ILDR1: variants seen among roughly 807,000 people sequenced by gnomAD.
ILDR1 encodes immunoglobulin like domain containing receptor 1.
A neutral mutation model predicts 62.4 loss-of-function variants in ILDR1; 56 were observed. The ratio of observed to expected loss-of-function variants is 0.90; its 90% CI spans 0.72 to 1.12. ILDR1 has a LOEUF of 1.12. Among genes scored for constraint, ILDR1 ranks in the 50% most tolerant of loss-of-function variants. ILDR1 has a pLI of 0.00. For missense variants in ILDR1, 736 were observed against 710.6 expected (o/e 1.04, Z -0.41); for synonymous variants, 284 against 277.8 (o/e 1.02, Z -0.22).
chr3:122,017,754 A>G (rs1018643610), intron 1 of ILDR1, among the ~76,000 whole-genome samples: 4 of 152,262 alleles, frequency 2.6e-5, no homozygotes, highest in Non-Finnish European at 5.9e-5. Flanking sequence ...ACACTTCTCC[A>G]AAGAAGACAT....
At chr3:121,990,264 A>G (rs2107637493) in intron 7 of ILDR1, among the ~76,000 whole-genome samples, 1 of 152,340 alleles carries the variant, frequency 6.6e-6, no homozygotes, top group Middle Eastern at 3.4e-3. Flanking sequence ...CCAGTTACAA[A>G]CAAAACAAAC....
At position 121,987,960 on chromosome 3, in the gene ILDR1, A is replaced by C; in HGVS notation, c.*407T>G. The C allele has an allele frequency of 3.0e-6, 1 of 333,750 alleles. No homozygotes were observed. The highest frequency in any genetic ancestry group is 5.9e-6 in the Non-Finnish European group (1 of 170,486). 20.7% of individuals were successfully genotyped at this position (333,750 alleles called of 1,614,324 possible). On this transcript the variant is annotated 3_prime_UTR_variant, in exon 8 of 8. Transcript: ENST00000344209. ...TGCTCTATTGCCCAGGCTGGAATACAGATGTGTGATCATGGGATCCTGGCT... is the reference window on the plus strand; with the variant it reads ...TGCTCTATTGCCCAGGCTGGAATACCGATGTGTGATCATGGGATCCTGGCT...
chr3:122,039,515 G>T, the ILDR1 span, among the ~76,000 whole-genome samples: 2 of 151,998 alleles, frequency 1.3e-5, no homozygotes, highest in African/African-American at 4.8e-5. Context: ...GAAAACTGTT[G>T]ACCCCATGTT....
upstream of ILDR1, among the ~76,000 whole-genome samples, chr3:122,023,137 C>A (rs1280305053): frequency 6.6e-6 from 1 of 150,838 alleles, no homozygotes; most frequent in Non-Finnish European, 1.5e-5. Flanking sequence ...ATTATTTATT[C>A]TAATATTCTA....
In ILDR1 at chr3:122,022,022, G is replaced by T. The variant is rs1186169443; in HGVS notation, c.56C>A (p.Ala19Glu). The T allele has an allele frequency of 2.5e-6, 4 of 1,610,732 alleles. No homozygotes were observed. Among genetic ancestry groups the T allele is most frequent in the Non-Finnish European group, 2.5e-6 (3 of 1,178,556 alleles). The change falls in exon 1 of 8, where the codon GCA becomes GAA. Residue 19 changes from alanine (A) to glutamate (E), a missense_variant and splice_region_variant. Physicochemically the swap from Ala to Glu is moderately radical, Grantham distance 107. Coordinates refer to ENST00000344209, the MANE Select transcript of ILDR1 (RefSeq NM_001199799.2). The stretch of plus-strand genomic sequence containing the variant: ...GGTACCATTTTTCCAAGGCTCACCT[G>T]CTGGGAGCCAGGTGCAGAGCAGCAG... ...PWLLLCTWLP[A>E]GCLSLLVTVQ...
At chr3:122,002,287 G>T (rs1486278078) in intron 3 of ILDR1, among the ~76,000 whole-genome samples, 4 of 152,190 alleles carry the variant, frequency 2.6e-5, no homozygotes, top group East Asian at 1.9e-4. Context: ...AAAGGAACTG[G>T]CCTAATAACA....
At chr3:122,030,015 A>T in the ILDR1 span, among the ~76,000 whole-genome samples, 1 of 152,112 alleles carries the variant, frequency 6.6e-6, no homozygotes, top group South Asian at 2.1e-4. Context: ...TGGAAAAAGG[A>T]ATGGAGAACT....
intron 3 of ILDR1, among the ~76,000 whole-genome samples, chr3:122,003,824 G>A (rs1178323186): frequency 6.6e-6 from 1 of 152,114 alleles, no homozygotes; most frequent in African/African-American, 2.4e-5. Flanking sequence ...CTACTATGGG[G>A]ATTTCCATCC....
At chr3:122,054,047 T>G in the ILDR1 span, among the ~76,000 whole-genome samples, 4 of 152,218 alleles carry the variant, frequency 2.6e-5, no homozygotes, top group East Asian at 7.7e-4. Flanking sequence ...CAGATGAAAT[T>G]ATCAAAGTTG....
chr3:122,021,939 G>T, intron 1 of ILDR1, 81 bp downstream of exon 1: 2 of 1,395,252 alleles, frequency 1.4e-6, no homozygotes, highest in Non-Finnish European at 2.0e-6. Context: ...TGCCCTGCCC[G>T]CGGCCAGCTC....
At chr3:122,000,531 C>T (rs2071506499) in intron 5 of ILDR1, among the ~76,000 whole-genome samples, 1 of 152,224 alleles carries the variant, frequency 6.6e-6, no homozygotes, top group Non-Finnish European at 1.5e-5. Flanking sequence ...TGGCTGTTCA[C>T]TTGTATTCTT....
At chr3:122,017,394 G>A (rs1467479962) in intron 1 of ILDR1, among the ~76,000 whole-genome samples, 2 of 152,116 alleles carry the variant, frequency 1.3e-5, no homozygotes, top group Non-Finnish European at 2.9e-5. Context: ...TTTCCACCAA[G>A]GACTTCAGAT....
intron 1 of ILDR1, among the ~76,000 whole-genome samples, chr3:122,015,318 C>T (rs1179339010): frequency 6.6e-6 from 1 of 152,200 alleles, no homozygotes; most frequent in African/African-American, 2.4e-5. Context: ...CCACATTTCC[C>T]ATCTCAGTGA....
chr3:121,990,261 CAAACA>C (rs1445375907), intron 7 of ILDR1, among the ~76,000 whole-genome samples: 2 of 152,212 alleles, frequency 1.3e-5, no homozygotes, highest in Middle Eastern at 3.2e-3. Flanking sequence ...ATTCCAGTTA[CAAACA>C]AAACAAACTA....
At chr3:121,992,152 T>C (rs1000430715) in intron 7 of ILDR1, among the ~76,000 whole-genome samples, 37 of 152,358 alleles carry the variant, frequency 2.4e-4, no homozygotes, top group African/African-American at 8.9e-4. Context: ...AATTTTTTTT[T>C]TGAGACAGAG....
intron 5 of ILDR1, 113 bp from the exon 6 acceptor site, chr3:121,994,426 C>T: frequency 7.8e-7 from 1 of 1,278,382 alleles, no homozygotes. Flanking sequence ...CTTGTCCATT[C>T]TCACCTATTT....
the ILDR1 span, among the ~76,000 whole-genome samples, chr3:122,046,739 T>A: frequency 5.7e-4 from 73 of 127,360 alleles, 2 homozygotes; most frequent in Middle Eastern, 7.6e-3. Flanking sequence ...CATTCTTCAC[T>A]TAGTTCTCGA....
intron 1 of ILDR1, among the ~76,000 whole-genome samples, chr3:122,012,671 A>G (rs527463615): frequency 4.6e-5 from 7 of 152,214 alleles, no homozygotes; most frequent in Non-Finnish European, 7.3e-5. Context: ...GTGAGCATAA[A>G]AAAATGTCCC....
upstream of ILDR1, among the ~76,000 whole-genome samples, chr3:122,025,538 T>C (rs1175156293): frequency 1.3e-5 from 2 of 152,232 alleles, no homozygotes; most frequent in Non-Finnish European, 2.9e-5. Context: ...GTGTGTTGAC[T>C]GAGCTAGGAT....
Sources: gnomAD v4.1 joint callset for allele counts (sites outside exome capture counted in the v4.1 genomes callset) on GRCh38, gnomAD v4.1.1 for gene constraint, MANE v1.5 for transcripts, NCBI Gene and HGNC (gene_info 2026-07-23, HGNC 2026-07-21) for gene names.